The following ARHGEF37 variants were observed in gnomAD, a reference collection of about 807,000 sequenced individuals.
ARHGEF37 encodes the protein Rho guanine nucleotide exchange factor 37, also known as Rho guanine nucleotide exchange factor (GEF) 37.
Under a neutral mutation model 71.1 loss-of-function variants are expected in ARHGEF37, and 55 were observed. That is an observed-to-expected ratio of 0.77 (90% confidence interval 0.62 to 0.97). The LOEUF (loss-of-function observed/expected upper bound fraction) is 0.97. ARHGEF37 is among the 50% of genes least tolerant of loss of function. The probability of loss-of-function intolerance (pLI) is 0.00; values close to 1 mark genes in which losing one functional copy is unlikely to be tolerated. For missense variants in ARHGEF37, 765 were observed against 836.8 expected, an observed-to-expected ratio of 0.91 and a Z score of 1.06; for synonymous variants, 327 against 350.6, an observed-to-expected ratio of 0.93 and a Z score of 0.75.
intron 4 of ARHGEF37, among the ~76,000 whole-genome samples, chr5:149,611,694 C>T (rs911315450): frequency 4.6e-5 from 7 of 152,338 alleles, no homozygotes; most frequent in Non-Finnish European, 5.9e-5. Context: ...TCATTGCACA[C>T]GAGTGACACT....
At chr5:149,603,923 G>A (rs966300707) in intron 3 of ARHGEF37, among the ~76,000 whole-genome samples, 2 of 152,170 alleles carry the variant, frequency 1.3e-5, no homozygotes, top group African/African-American at 2.4e-5. Context: ...GTGACAGAGT[G>A]AGACTCTGTC....
At chr5:149,563,190 T>G (rs79935494) in intron 1 of ARHGEF37, among the ~76,000 whole-genome samples, 1,804 of 152,328 alleles carry the variant, frequency 0.012, 35 homozygotes, top group African/African-American at 0.037. Context: ...ATGCTGCTTA[T>G]TCCTGCTTCA....
At chr5:149,593,354 CTTTCTG>C (rs1182804283) in intron 1 of ARHGEF37, among the ~76,000 whole-genome samples, 1 of 152,214 alleles carries the variant, frequency 6.6e-6, no homozygotes, top group African/African-American at 2.4e-5. Context: ...AATTGCCAAT[CTTTCTG>C]TTTCTATCTG....
Position 149,598,779 on chromosome 5 carries a change from TATATAG to T in ARHGEF37, c.186+836_186+841del, listed in dbSNP as rs1325304262. On this transcript the variant is annotated intron_variant, in intron 2 of 12. Coordinates refer to ENST00000333677, the MANE Select transcript of ARHGEF37 (RefSeq NM_001001669.3). ...ATATAGATATAGATATAGATATAGATATATAGATATAGATATATAGATATATATATG... is the reference window on the plus strand; with the variant it reads ...ATATAGATATAGATATAGATATAGATATATAGATATATAGATATATATATG... Among the ~76,000 whole-genome samples, 4 of 81,996 alleles carry T rather than the reference TATATAG, an allele frequency of 4.9e-5. No individual in the cohort carries two copies. In the South Asian group the frequency reaches 2.2e-3, roughly 45 times the overall value. The allele number at this position is 81,996 out of a possible 152,430, so 53.8% of individuals were successfully genotyped here. A position where few individuals can be genotyped will look rare whatever the true frequency, so the allele number is the denominator to read the frequency against.
chr5:149,592,762 G>C (rs934215014), intron 1 of ARHGEF37, among the ~76,000 whole-genome samples: 3 of 151,894 alleles, frequency 2.0e-5, no homozygotes, highest in Non-Finnish European at 4.4e-5. Flanking sequence ...TTTTTGGTTT[G>C]TTTGTTTTTG....
intron 4 of ARHGEF37, among the ~76,000 whole-genome samples, chr5:149,610,984 G>C (rs1489741222): frequency 6.6e-6 from 1 of 152,244 alleles, no homozygotes; most frequent in Non-Finnish European, 1.5e-5. Flanking sequence ...TCAAATATCT[G>C]CAGTCACCTG....
At chr5:149,552,664 C>T (rs1018748936) in intron 1 of ARHGEF37, among the ~76,000 whole-genome samples, 3 of 151,996 alleles carry the variant, frequency 2.0e-5, no homozygotes, top group African/African-American at 7.3e-5. Context: ...ATGATGAAAC[C>T]CCGTATCTAC....
At chr5:149,601,369 C>A in intron 3 of ARHGEF37, 138 bp downstream of exon 3, 1 of 1,051,936 alleles carries the variant, frequency 9.5e-7, no homozygotes, top group Non-Finnish European at 1.3e-6. Flanking sequence ...CTCCAAAACA[C>A]AACATATCAG....
At chr5:149,627,019 C>G in intron 10 of ARHGEF37, 57 bp from the exon 11 acceptor site, 1 of 1,523,706 alleles carries the variant, frequency 6.6e-7, no homozygotes, top group East Asian at 2.3e-5. Context: ...AATGTTGGTG[C>G]CAGCTTTGAC....
chr5:149,582,862 G>A (rs1177093165), intron 1 of ARHGEF37, among the ~76,000 whole-genome samples: 1 of 151,950 alleles, frequency 6.6e-6, no homozygotes, highest in Admixed American at 6.6e-5. Flanking sequence ...AAAGGGTGAT[G>A]ACCTGGAAGA....
chr5:149,582,077 G>A (rs942717207), intron 1 of ARHGEF37, among the ~76,000 whole-genome samples: 1 of 152,244 alleles, frequency 6.6e-6, no homozygotes, highest in African/African-American at 2.4e-5. Context: ...TGATCCATAG[G>A]TGAGGTGACT....
At chr5:149,567,201 T>G (rs1296480328) in intron 1 of ARHGEF37, among the ~76,000 whole-genome samples, 1 of 152,230 alleles carries the variant, frequency 6.6e-6, no homozygotes, top group African/African-American at 2.4e-5. Flanking sequence ...AAACGTCCTT[T>G]AATTTGCATT....
At chr5:149,614,144 G>A (rs572808568) in intron 4 of ARHGEF37, among the ~76,000 whole-genome samples, 1 of 152,016 alleles carries the variant, frequency 6.6e-6, no homozygotes, top group East Asian at 1.9e-4. Context: ...CTCTATTGAA[G>A]CATATTTGGG....
intron 1 of ARHGEF37, among the ~76,000 whole-genome samples, chr5:149,553,196 C>T (rs1232956556): frequency 1.3e-5 from 2 of 152,082 alleles, no homozygotes; most frequent in African/African-American, 4.8e-5. Flanking sequence ...GTCGGGAGTT[C>T]GAGACCATTC....
chr5:149,624,323 T>C (rs1173195151), intron 10 of ARHGEF37, among the ~76,000 whole-genome samples, 183 bp downstream of exon 10: 1 of 152,186 alleles, frequency 6.6e-6, no homozygotes, highest in Non-Finnish European at 1.5e-5. Flanking sequence ...CCCAGATACA[T>C]ACACACTCTT....
At chr5:149,578,808 A>T (rs1380513974), upstream of ARHGEF37, among the ~76,000 whole-genome samples, 1 of 152,182 alleles carries the variant, frequency 6.6e-6, no homozygotes. Flanking sequence ...TTTCCAGTCA[A>T]AAGCAAACAT....
At chr5:149,558,142 G>A (rs931161620) in intron 1 of ARHGEF37, among the ~76,000 whole-genome samples, 4 of 152,128 alleles carry the variant, frequency 2.6e-5, no homozygotes, top group African/African-American at 9.7e-5. Context: ...AAAGTGCTGG[G>A]ATTACAAGCA....
At chr5:149,556,711 T>C (rs1043865901) in intron 1 of ARHGEF37, among the ~76,000 whole-genome samples, 1 of 152,028 alleles carries the variant, frequency 6.6e-6, no homozygotes, top group Non-Finnish European at 1.5e-5. Flanking sequence ...TTAGTAGAGA[T>C]GGAGTTTCTC....
chr5:149,616,893 TG>T lies in ARHGEF37; in HGVS notation c.658+128del, dbSNP rs1391422017. The T allele has an allele frequency of 5.6e-5, 57 of 1,013,488 alleles. 1 individual carries two copies. The highest frequency in any genetic ancestry group is 3.9e-4 in the South Asian group (22 of 55,814). 62.8% of individuals were successfully genotyped at this position (1,013,488 alleles called of 1,614,324 possible). On this transcript the variant is annotated intron_variant, in intron 5 of 12. Transcript: ENST00000333677. ...TATGTAACTATAAATCCAGAGGTAA[TG>T]CAAGCTTTAGGTAGGGTTCGATCAG...
Sources: gnomAD v4.1 joint callset for allele counts (sites outside exome capture counted in the v4.1 genomes callset) on GRCh38, gnomAD v4.1.1 for gene constraint, MANE v1.5 for transcripts, NCBI Gene and HGNC (gene_info 2026-07-23, HGNC 2026-07-21) for gene names.